The following CPLX2 variants were observed in gnomAD, a reference collection of about 807,000 sequenced individuals.
The protein encoded by CPLX2 is complexin 2.
Under a neutral mutation model 16.3 loss-of-function variants are expected in CPLX2, and 5 were observed. The ratio of observed to expected loss-of-function variants is 0.31; its 90% CI spans 0.16 to 0.64. The LOEUF is 0.64. Among genes scored for constraint, CPLX2 ranks in the 30% least tolerant of loss-of-function variants. The pLI, the probability that CPLX2 is intolerant of heterozygous loss-of-function variation, is 0.79. For synonymous variants in CPLX2, 89 were observed against 73.2 expected, an observed-to-expected ratio of 1.22 and a Z score of -1.10; for missense variants, 144 against 181.4, an observed-to-expected ratio of 0.79 and a Z score of 1.18.
At chr5:175,871,427 G>GAGAC (rs1561790292), upstream of CPLX2, 34 of 108,206 alleles carry the variant, frequency 3.1e-4, no homozygotes, top group Non-Finnish European at 5.2e-4. Context: ...GAGAGAGAGA[G>GAGAC]AGAGACAGAG....
At chr5:175,818,407 C>G (rs1374057159) in intron 2 of CPLX2, among the ~76,000 whole-genome samples, 1 of 152,060 alleles carries the variant, frequency 6.6e-6, no homozygotes, top group East Asian at 1.9e-4. Context: ...CTGTCCCAGG[C>G]TAGGAGGAAG....
chr5:175,847,982 C>T (rs1002725487), intron 2 of CPLX2, among the ~76,000 whole-genome samples: 1 of 152,258 alleles, frequency 6.6e-6, no homozygotes, highest in African/African-American at 2.4e-5. Context: ...ATGGTCACTG[C>T]TATTCATTCA....
chr5:175,816,173 T>TC (rs1758403346), intron 2 of CPLX2, among the ~76,000 whole-genome samples: 1 of 151,160 alleles, frequency 6.6e-6, no homozygotes, highest in Non-Finnish European at 1.5e-5. Flanking sequence ...TCACAGTCAC[T>TC]CTTTTTTTTT....
intron 2 of CPLX2, among the ~76,000 whole-genome samples, chr5:175,861,041 C>T (rs1249281965): frequency 6.7e-6 from 1 of 148,286 alleles, no homozygotes; most frequent in African/African-American, 2.5e-5. Context: ...AAGATTTAAA[C>T]AAGGATGCCA....
At chr5:175,842,306 T>C (rs1018007459) in intron 2 of CPLX2, among the ~76,000 whole-genome samples, 9 of 152,230 alleles carry the variant, frequency 5.9e-5, no homozygotes, top group African/African-American at 1.9e-4. Context: ...GTACTAGACA[T>C]TTTACATGTC....
chr5:175,865,537 T>C (rs1759457743), intron 2 of CPLX2, among the ~76,000 whole-genome samples: 1 of 152,172 alleles, frequency 6.6e-6, no homozygotes, highest in Non-Finnish European at 1.5e-5. Flanking sequence ...AAAATCACAC[T>C]CCAGGGTCAC....
chr5:175,868,522 G>A (rs1759519445), upstream of CPLX2, among the ~76,000 whole-genome samples: 1 of 152,118 alleles, frequency 6.6e-6, no homozygotes, highest in African/African-American at 2.4e-5. Flanking sequence ...CTGAAGCAGA[G>A]CCACATCTAT....
intron 2 of CPLX2, among the ~76,000 whole-genome samples, chr5:175,829,411 G>A (rs1758686977): frequency 6.6e-6 from 1 of 152,100 alleles, no homozygotes; most frequent in Non-Finnish European, 1.5e-5. Flanking sequence ...CCCCAGGAAG[G>A]GCCCCCTTGC....
At chr5:175,859,079 C>A (rs987559285) in intron 2 of CPLX2, among the ~76,000 whole-genome samples, 21 of 152,200 alleles carry the variant, frequency 1.4e-4, no homozygotes, top group African/African-American at 5.1e-4. Context: ...CCAACTACAG[C>A]CTGGCATGGT....
intron 2 of CPLX2, among the ~76,000 whole-genome samples, chr5:175,810,071 C>T (rs532219811): frequency 6.6e-6 from 1 of 152,330 alleles, no homozygotes; most frequent in Non-Finnish European, 1.5e-5. Flanking sequence ...GCCTTGTCTT[C>T]ACTGTTCACA....
chr5:175,855,317 T>A (rs1364584552), intron 2 of CPLX2, among the ~76,000 whole-genome samples: 1 of 151,858 alleles, frequency 6.6e-6, no homozygotes, highest in Non-Finnish European at 1.5e-5. Context: ...GACACCTCTT[T>A]TAGCCCTAGT....
chr5:175,801,161 T>TAAAA (rs3051187), intron 1 of CPLX2, among the ~76,000 whole-genome samples: 5,157 of 140,914 alleles, frequency 0.037, 306 homozygotes, highest in Admixed American at 0.12. Context: ...AGAGGAGTGT[T>TAAAA]AAAAAAAAAA....
intron 2 of CPLX2, among the ~76,000 whole-genome samples, chr5:175,862,401 T>A (rs528177798): frequency 1.3e-5 from 2 of 152,222 alleles, no homozygotes; most frequent in Non-Finnish European, 2.9e-5. Flanking sequence ...ATGCTCTAGC[T>A]GTGCCATGAT....
rs774893010 is a variant in CPLX2, at chr5:175,881,375, G to A, written c.*1330G>A. 3 of 153,524 alleles carry A rather than the reference G, an allele frequency of 2.0e-5. No individual in the cohort carries two copies. The highest frequency in any genetic ancestry group is 4.4e-5 in the Non-Finnish European group (3 of 68,200). The allele number at this position is 153,524 out of a possible 1,614,324, so 9.5% of individuals were successfully genotyped here. On this transcript the variant is annotated 3_prime_UTR_variant, in exon 4 of 4. Coordinates refer to ENST00000393745, the MANE Select transcript of CPLX2 (RefSeq NM_001008220.2). ...TGTATGTGTGCTTGATTGAGGTGGT[G>A]TATTTGGGTTGAAATTGTGTCATAT...
chr5:175,863,984 A>C (rs1364294331), intron 2 of CPLX2, among the ~76,000 whole-genome samples: 1 of 152,238 alleles, frequency 6.6e-6, no homozygotes, highest in African/African-American at 2.4e-5. Context: ...TATGAGGCAG[A>C]GTTCTTTGAC....
upstream of CPLX2, among the ~76,000 whole-genome samples, chr5:175,870,312 G>A (rs925573197): frequency 1.3e-5 from 2 of 152,258 alleles, no homozygotes; most frequent in African/African-American, 4.8e-5. Flanking sequence ...CTGACTGGTG[G>A]GGGGGTCTCC....
rs939866193 is a variant in CPLX2, at chr5:175,882,876, C to T, written c.*2831C>T. On this transcript the variant is annotated 3_prime_UTR_variant, in exon 4 of 4. Transcript: ENST00000393745. ...CCAGAGAGCCTGTCTGTGTGGAGCA[C>T]GTAGTGCACAGAATACGTGAGAGTT... 1 of 152,504 alleles carries T rather than the reference C, an allele frequency of 6.6e-6. No individual in the cohort carries two copies. The highest frequency in any genetic ancestry group is 1.9e-4 in the East Asian group (1 of 5,174). 9.4% of individuals were successfully genotyped at this position (152,504 alleles called of 1,614,324 possible). A position where few individuals can be genotyped will look rare whatever the true frequency, so the allele number is the denominator to read the frequency against.
At chr5:175,838,900 T>G (rs1341959054) in intron 2 of CPLX2, among the ~76,000 whole-genome samples, 2 of 152,212 alleles carry the variant, frequency 1.3e-5, no homozygotes, top group Non-Finnish European at 2.9e-5. Context: ...GGAGATGACT[T>G]GGAGTTGGGA....
chr5:175,844,861 A>G (rs780435550), intron 2 of CPLX2, among the ~76,000 whole-genome samples: 8 of 152,228 alleles, frequency 5.3e-5, no homozygotes, highest in Non-Finnish European at 8.8e-5. Context: ...TGTAAACTCC[A>G]AGGGCTGGGA....
Sources: gnomAD v4.1 joint callset for allele counts (sites outside exome capture counted in the v4.1 genomes callset) on GRCh38, gnomAD v4.1.1 for gene constraint, MANE v1.5 for transcripts, NCBI Gene and HGNC (gene_info 2026-07-23, HGNC 2026-07-21) for gene names.